SLIT1: variants seen among roughly 807,000 people sequenced by gnomAD.
The protein encoded by SLIT1 is slit guidance ligand 1, also known as slit homolog 1 protein.
Under a neutral mutation model 186.1 loss-of-function variants are expected in SLIT1, and 66 were observed. That is an observed-to-expected ratio of 0.35 (90% confidence interval 0.29 to 0.44). SLIT1 has a LOEUF of 0.44. SLIT1 is among the 20% of genes least tolerant of loss of function. SLIT1 has a pLI of 1.00. For missense variants in SLIT1, 1,638 were observed against 2,037.4 expected (o/e 0.80, Z 3.77); for synonymous variants, 761 against 833.8 (o/e 0.91, Z 1.50).
intron 35 of SLIT1, 127 bp from the exon 36 acceptor site, chr10:97,002,496 A>G (rs1201838565): frequency 5.1e-6 from 4 of 789,762 alleles, no homozygotes; most frequent in Non-Finnish European, 7.8e-6. Context: ...TCTGTTCCCA[A>G]AACTGAAACA....
chr10:97,150,398 G>A (rs1849864228), intron 4 of SLIT1, among the ~76,000 whole-genome samples: 1 of 152,178 alleles, frequency 6.6e-6, no homozygotes, highest in African/African-American at 2.4e-5. Flanking sequence ...CTTCTGACCA[G>A]TGCTGACAGT....
intron 4 of SLIT1, chr10:97,153,649 G>C (rs1849908270): frequency 6.6e-6 from 1 of 152,202 alleles, no homozygotes; most frequent in South Asian, 2.1e-4. Context: ...GGCCTGGTGT[G>C]ACCTCTTGAC....
At chr10:97,182,078 T>C (rs2134749424) in intron 1 of SLIT1, among the ~76,000 whole-genome samples, 1 of 152,304 alleles carries the variant, frequency 6.6e-6, no homozygotes, top group African/African-American at 2.4e-5. Flanking sequence ...CAGCCCTGGC[T>C]CTGTATTTTA....
chr10:97,142,585 G>A lies in SLIT1; in HGVS notation c.413+15233C>T, dbSNP rs116914427. Among the ~76,000 whole-genome samples, 386 of 152,248 alleles carry A rather than the reference G, an allele frequency of 2.5e-3. 4 individuals carry two copies. Among genetic ancestry groups the A allele is most frequent in the Middle Eastern group, 0.017 (5 of 294 alleles). ...GCAGTACTTTCTTGGATATGACACC[G>A]AAAGCATAGAAAACAAAAGCAAAAT... On this transcript the variant is annotated intron_variant, in intron 4 of 36. Coordinates refer to ENST00000266058, the MANE Select transcript of SLIT1 (RefSeq NM_003061.3).
At chr10:97,044,834 A>G (rs969633620) in intron 18 of SLIT1, among the ~76,000 whole-genome samples, 5 of 152,238 alleles carry the variant, frequency 3.3e-5, no homozygotes, top group Non-Finnish European at 5.9e-5. Context: ...CACAATAAAG[A>G]TATTGTCACA....
chr10:97,026,414 A>T (rs1848545849), intron 25 of SLIT1, among the ~76,000 whole-genome samples: 1 of 151,520 alleles, frequency 6.6e-6, no homozygotes, highest in Non-Finnish European at 1.5e-5. Flanking sequence ...CAGTGAGCCG[A>T]GATCTCACCA....
intron 21 of SLIT1, among the ~76,000 whole-genome samples, chr10:97,038,686 C>A (rs550358991): frequency 1.3e-5 from 2 of 152,248 alleles, no homozygotes; most frequent in South Asian, 4.2e-4. Flanking sequence ...CCCCAACTAA[C>A]TACAGCCTGC....
chr10:97,118,370 G>A (rs1054678256), intron 4 of SLIT1, among the ~76,000 whole-genome samples: 6 of 152,138 alleles, frequency 3.9e-5, no homozygotes, highest in African/African-American at 4.8e-5. Flanking sequence ...ACTTCTTGGC[G>A]CAGCAGGACT....
intron 28 of SLIT1, among the ~76,000 whole-genome samples, chr10:97,018,132 C>T (rs1291387391): frequency 6.6e-6 from 1 of 152,140 alleles, no homozygotes; most frequent in Non-Finnish European, 1.5e-5. Context: ...CAGGAGTGAG[C>T]CACCGAGCAC....
rs1257805408 is a variant in SLIT1 at position 97,043,288 on chromosome 10, A to C, written c.1997+82T>G. ...ACGAAGACCCAGCACCCCCAGGGTGAGCTCTTTCAAAGTGGCTGGCCGAGA... is the reference window on the plus strand; with the variant it reads ...ACGAAGACCCAGCACCCCCAGGGTGCGCTCTTTCAAAGTGGCTGGCCGAGA... On this transcript the variant is annotated intron_variant, in intron 19 of 36. Coordinates refer to ENST00000266058, the MANE Select transcript of SLIT1 (RefSeq NM_003061.3). The surrounding 1 kb of genome is among the most constrained non-coding windows in gnomAD (Gnocchi z 7.0). The C allele has an allele frequency of 1.9e-6, 3 of 1,550,182 alleles. No individual in the cohort carries two copies. Among genetic ancestry groups the C allele is most frequent in the African/African-American group, 2.7e-5 (2 of 73,500 alleles).
chr10:97,135,144 T>C (rs1849690239), intron 4 of SLIT1, among the ~76,000 whole-genome samples: 1 of 152,174 alleles, frequency 6.6e-6, no homozygotes, highest in Non-Finnish European at 1.5e-5. Flanking sequence ...GCCCCGTGCC[T>C]GCAGAGTCGA....
chr10:97,001,328 A>C lies in SLIT1; in HGVS notation c.4389T>G (p.Pro1463=). The C allele has an allele frequency of 6.2e-7, 1 of 1,612,880 alleles. No individual in the cohort carries two copies. The highest frequency in any genetic ancestry group is 8.5e-7 in the Non-Finnish European group (1 of 1,179,814). ...CEQESECRGD[P]VRDFHQVQRG... ...TCTGGACCTGGTGAAAGTCCCGGAC[A>C]GGGTCCCCCCGGCACTCGGACTCTG... Residue 1463 remains proline (P), a synonymous_variant, in exon 37 of 37, where the codon CCT becomes CCG. Transcript: ENST00000266058.
chr10:97,056,335 C>A lies in SLIT1; in HGVS notation c.1287G>T (p.Arg429=). 6.2e-7 allele frequency: 1 copy of A among 1,614,130 alleles called. No homozygotes were observed. ...AGGGCACTCACAGAGTCTGGATGGC[C>A]CGCAGGGAGGTGAAAGTGCCCTTGG... ...SLAKGTFTSL[R]AIQTLHLAQN... Residue 429 remains arginine (R), a synonymous_variant, in exon 13 of 37, where the codon CGG becomes CGT. Coordinates refer to ENST00000266058, the MANE Select transcript of SLIT1 (RefSeq NM_003061.3).
intron 4 of SLIT1, among the ~76,000 whole-genome samples, chr10:97,119,913 G>GTGTGTATATATATATATA (rs1241836707): frequency 1.8e-5 from 1 of 56,510 alleles, no homozygotes; most frequent in Non-Finnish European, 3.7e-5. Flanking sequence ...TTCCAAAGGG[G>GTGTGTATATATATATATA]TATATATATA....
At chr10:97,167,036 A>G (rs1850130722) in intron 1 of SLIT1, among the ~76,000 whole-genome samples, 1 of 152,128 alleles carries the variant, frequency 6.6e-6, no homozygotes, top group African/African-American at 2.4e-5. Flanking sequence ...AGCAGCTGCA[A>G]AAACTCATTC....
Position 97,011,065 on chromosome 10 carries a change from T to G in SLIT1, c.3269A>C (p.His1090Pro). The change falls in exon 31 of 37, where the codon CAC (histidine) becomes CCC (proline). Residue 1090 changes from histidine to proline, a missense_variant. Transcript: ENST00000266058. ...CSENQDDCRD[H>P]RCQNGAQCMD... ...ACACTGGGCCCCATTCTGGCAGCGGTGGTCCCTGCAGTCATCCTGGTTCTC... is the reference window on the plus strand; with the variant it reads ...ACACTGGGCCCCATTCTGGCAGCGGGGGTCCCTGCAGTCATCCTGGTTCTC... 1 of 1,613,486 alleles carries G rather than the reference T, an allele frequency of 6.2e-7. No individual in the cohort carries two copies. The highest frequency in any genetic ancestry group is 8.5e-7 in the Non-Finnish European group (1 of 1,179,474).
At chr10:97,032,874 T>A (rs560777648) in intron 23 of SLIT1, among the ~76,000 whole-genome samples, 2 of 152,174 alleles carry the variant, frequency 1.3e-5, no homozygotes, top group African/African-American at 4.8e-5. Flanking sequence ...AAGCTCAAAA[T>A]AATCATGCTG....
intron 25 of SLIT1, among the ~76,000 whole-genome samples, chr10:97,026,901 G>A (rs17112311): frequency 0.055 from 8,393 of 152,258 alleles, 332 homozygotes; most frequent in South Asian, 0.18. Context: ...TAGGCCTCAA[G>A]AGAAGAATAA....
At chr10:97,016,179 CAT>C in intron 28 of SLIT1, among the ~76,000 whole-genome samples, 1 of 152,030 alleles carries the variant, frequency 6.6e-6, no homozygotes, top group African/African-American at 2.4e-5. Flanking sequence ...TGTGGTGGTG[CAT>C]GCCTGTAGTC....
Sources: allele counts gnomAD v4.1 joint callset (sites outside exome capture counted in the v4.1 genomes callset), GRCh38; gene constraint gnomAD v4.1.1; non-coding constraint Gnocchi (gnomAD v3.1); transcripts MANE v1.5; gene names NCBI Gene and HGNC (gene_info 2026-07-23, HGNC 2026-07-21).